Variants in TSGA10 observed in about 807,000 individuals in gnomAD.
The protein encoded by TSGA10 is testis-specific gene 10 protein.
In TSGA10, 43 loss-of-function variants were observed where a neutral mutation model predicts 96.6. The observed-to-expected ratio is 0.44, with a 90% confidence interval of 0.35 to 0.57. The LOEUF (loss-of-function observed/expected upper bound fraction) is 0.57. Ranked by LOEUF, TSGA10 falls within the 20% of genes least tolerant of loss-of-function variation. The pLI is 0.01. For synonymous variants in TSGA10, 229 were observed against 269.9 expected (o/e 0.85, Z 1.48); for missense variants, 703 against 834.4 (o/e 0.84, Z 1.94).
Position 99,064,340 on chromosome 2 carries a change from T to C in TSGA10, c.1404+599A>G, listed in dbSNP as rs2085025731. The stretch of plus-strand genomic sequence containing the variant: ...AGTAAAGCAGTACACTATATATATA[T>C]CAAAATAGATGTGTCAAAATTATAA... On this transcript the variant is annotated intron_variant, in intron 16 of 20. Coordinates refer to ENST00000393483, the MANE Select transcript of TSGA10 (RefSeq NM_025244.4). Among the ~76,000 whole-genome samples, 4 of 152,144 alleles carry C rather than the reference T, an allele frequency of 2.6e-5. No individual in the cohort carries two copies. In the South Asian group the frequency reaches 8.3e-4, roughly 32 times the overall value.
At chr2:99,116,913 TA>T (rs1297479125) in intron 4 of TSGA10, among the ~76,000 whole-genome samples, 6 of 152,196 alleles carry the variant, frequency 3.9e-5, no homozygotes, top group Non-Finnish European at 7.3e-5. Flanking sequence ...CAGCTATTTT[TA>T]AATATGCAAT....
chr2:99,041,578 G>A (rs2082186405), intron 16 of TSGA10, among the ~76,000 whole-genome samples: 1 of 152,108 alleles, frequency 6.6e-6, no homozygotes, highest in Admixed American at 6.6e-5. Flanking sequence ...CATAAAGTGG[G>A]GAAAGAACAC....
At chr2:99,149,577 G>T (rs2093669175) in intron 1 of TSGA10, among the ~76,000 whole-genome samples, 1 of 150,880 alleles carries the variant, frequency 6.6e-6, no homozygotes, top group South Asian at 2.1e-4. Flanking sequence ...CGAGTAGCTG[G>T]GACTACAGGT....
At chr2:99,127,826 G>A (rs1159443309) in intron 1 of TSGA10, among the ~76,000 whole-genome samples, 1 of 152,012 alleles carries the variant, frequency 6.6e-6, no homozygotes, top group Non-Finnish European at 1.5e-5. Flanking sequence ...GAGAACAATG[G>A]TATAAAATCT....
chr2:98,998,545 G>A (rs185572939), intron 20 of TSGA10, among the ~76,000 whole-genome samples: 1 of 152,322 alleles, frequency 6.6e-6, no homozygotes, highest in East Asian at 1.9e-4. Context: ...AGATGGCGAA[G>A]AAAGTAGTGT....
chr2:99,004,421 A>G (rs1484162277), intron 20 of TSGA10, among the ~76,000 whole-genome samples: 1 of 151,734 alleles, frequency 6.6e-6, no homozygotes, highest in African/African-American at 2.4e-5. Context: ...CAATAGAAAA[A>G]GAGGGAATCC....
At chr2:99,067,209 C>A (rs931099720) in intron 15 of TSGA10, among the ~76,000 whole-genome samples, 6 of 152,302 alleles carry the variant, frequency 3.9e-5, no homozygotes, top group Admixed American at 6.5e-5. Context: ...CTCTGGCACT[C>A]CAGCACCTAG....
At chr2:99,114,064 G>A (rs1461986135) in intron 4 of TSGA10, among the ~76,000 whole-genome samples, 1 of 152,134 alleles carries the variant, frequency 6.6e-6, no homozygotes, top group African/African-American at 2.4e-5. Context: ...TTAAAAATAA[G>A]ACTAAAAGTA....
In TSGA10 at chr2:99,020,130, A is replaced by G. The variant is rs1660318469; in HGVS notation, c.1817+150T>C. On this transcript the variant is annotated intron_variant, in intron 18 of 20. Transcript: ENST00000393483. ...AATTTAGATAAGAAAAACATAATAGAAAAAGTACCACCTCTTAGGCAAATC... is the reference window on the plus strand; with the variant it reads ...AATTTAGATAAGAAAAACATAATAGGAAAAGTACCACCTCTTAGGCAAATC... 8.1e-5 allele frequency: 50 copies of G among 614,028 alleles called. No homozygotes were observed. In the South Asian group the frequency reaches 1.0e-3, roughly 13 times the overall value. 38.0% of individuals were successfully genotyped at this position (614,028 alleles called of 1,614,324 possible).
At chr2:99,103,661 A>T (rs905955434) in intron 10 of TSGA10, among the ~76,000 whole-genome samples, 3 of 152,226 alleles carry the variant, frequency 2.0e-5, no homozygotes, top group Non-Finnish European at 4.4e-5. Context: ...AAAGGTAAAC[A>T]ATCAAAGTCA....
intron 7 of TSGA10, 130 bp downstream of exon 7, chr2:99,108,703 C>A: frequency 1.6e-6 from 1 of 616,546 alleles, no homozygotes; most frequent in Non-Finnish European, 2.6e-6. Flanking sequence ...ATCTTAAAAA[C>A]ATATGTAATC....
chr2:99,058,430 C>A (rs551652032), intron 16 of TSGA10, among the ~76,000 whole-genome samples: 1 of 150,768 alleles, frequency 6.6e-6, no homozygotes, highest in Non-Finnish European at 1.5e-5. Context: ...CATTAAAATA[C>A]GAAGAGAAAA....
intron 1 of TSGA10, among the ~76,000 whole-genome samples, chr2:99,138,139 G>C (rs2093401376): frequency 6.6e-6 from 1 of 152,164 alleles, no homozygotes; most frequent in African/African-American, 2.4e-5. Context: ...ATATTTGCCA[G>C]TAACATTTGA....
Position 99,074,000 on chromosome 2 carries a change from C to CTTTTTTTTTTTTTTTTTTTTTTTTTT in TSGA10, c.883-953_883-928dup, listed in dbSNP as rs1167854716. Among the ~76,000 whole-genome samples, 28 of 52,636 alleles carry CTTTTTTTTTTTTTTTTTTTTTTTTTT rather than the reference C, an allele frequency of 5.3e-4. 10 individuals carry two copies. Among genetic ancestry groups the CTTTTTTTTTTTTTTTTTTTTTTTTTT allele is most frequent in the Non-Finnish European group, 7.7e-4 (21 of 27,116 alleles). 34.5% of individuals were successfully genotyped at this position (52,636 alleles called of 152,430 possible). ...AACCAATTCTGTTCCTGTTTCTTTT[C>CTTTTTTTTTTTTTTTTTTTTTTTTTT]TTTTTTTTTTTTTTTTTTTTTTTTT... On this transcript the variant is annotated intron_variant, in intron 12 of 20. Transcript: ENST00000393483.
At chr2:99,054,023 A>G (rs1450530129) in intron 16 of TSGA10, among the ~76,000 whole-genome samples, 5 of 152,180 alleles carry the variant, frequency 3.3e-5, no homozygotes, top group Admixed American at 6.6e-5. Context: ...GAAATAGAAA[A>G]AAAATCCTAA....
At chr2:99,119,576 G>A (rs183641929) in intron 2 of TSGA10, among the ~76,000 whole-genome samples, 7 of 152,252 alleles carry the variant, frequency 4.6e-5, no homozygotes, top group Admixed American at 3.9e-4. Flanking sequence ...CCCTCCTTAT[G>A]AGAATCCTCA....
intron 11 of TSGA10, among the ~76,000 whole-genome samples, chr2:99,079,485 C>T (rs1311798173): frequency 1.3e-5 from 2 of 152,190 alleles, no homozygotes; most frequent in South Asian, 2.1e-4. Context: ...CTTATGCCTC[C>T]ACTCCAGACC....
intron 16 of TSGA10, among the ~76,000 whole-genome samples, chr2:99,045,814 A>T (rs1473167712): frequency 6.6e-6 from 1 of 152,226 alleles, no homozygotes; most frequent in Non-Finnish European, 1.5e-5. Flanking sequence ...AAGACCCATC[A>T]GTGTGCTGTA....
At chr2:99,039,615 A>C (rs575019523) in intron 16 of TSGA10, among the ~76,000 whole-genome samples, 1 of 149,612 alleles carries the variant, frequency 6.7e-6, no homozygotes, top group East Asian at 1.9e-4. Flanking sequence ...AACAAAAAAA[A>C]CAAGAAACAA....
Sources: allele counts gnomAD v4.1 joint callset (sites outside exome capture counted in the v4.1 genomes callset), GRCh38; gene constraint gnomAD v4.1.1; transcripts MANE v1.5; gene names NCBI Gene and HGNC (gene_info 2026-07-23, HGNC 2026-07-21).